The following UST variants were observed in gnomAD, a reference collection of about 807,000 sequenced individuals.
UST encodes the protein uronyl 2-sulfotransferase.
In UST, 21 loss-of-function variants were observed where a neutral mutation model predicts 45.6. That is an observed-to-expected ratio of 0.46 (90% confidence interval 0.33 to 0.66). UST has a LOEUF of 0.66. UST is among the 30% of genes least tolerant of loss of function. The pLI is 0.02. For synonymous variants in UST, 215 were observed against 200.6 expected (o/e 1.07, Z -0.61); for missense variants, 463 against 512.4 (o/e 0.90, Z 0.93).
In UST at chr6:149,068,949, T is replaced by A. The variant is rs183875519; in HGVS notation, c.938-4884T>A. The stretch of plus-strand genomic sequence containing the variant: ...TATGTATCATCCTACTCCCTCCTTG[T>A]GGTCAACTTCTTTAGCTCCCATATA... On this transcript the variant is annotated intron_variant, in intron 7 of 7. Coordinates refer to ENST00000367463, the MANE Select transcript of UST (RefSeq NM_005715.3). Among the ~76,000 whole-genome samples, 574 of 152,302 alleles carry A rather than the reference T, an allele frequency of 3.8e-3. 2 individuals carry two copies. The highest frequency in any genetic ancestry group is 0.013 in the African/African-American group (555 of 41,564).
intron 1 of UST, among the ~76,000 whole-genome samples, chr6:148,872,215 A>G (rs1318222533): frequency 6.6e-6 from 1 of 152,236 alleles, no homozygotes; most frequent in Non-Finnish European, 1.5e-5. Context: ...AAGTAAAGCA[A>G]TACATCAAAA....
chr6:148,904,547 A>G (rs1455476944), intron 2 of UST, among the ~76,000 whole-genome samples: 1 of 151,844 alleles, frequency 6.6e-6, no homozygotes, highest in Admixed American at 6.6e-5. Context: ...CTTTTTTGAG[A>G]CAGTCTCACT....
intron 5 of UST, chr6:149,005,450 C>G (rs371549617): frequency 1.0e-6 from 1 of 985,420 alleles, no homozygotes. Flanking sequence ...GCAACCTCAG[C>G]AGTGTCTCTC....
intron 7 of UST, among the ~76,000 whole-genome samples, chr6:149,070,525 A>G (rs1008289653): frequency 2.6e-5 from 4 of 152,244 alleles, no homozygotes; most frequent in Admixed American, 6.5e-5. Context: ...AAAGGACCCA[A>G]CCTGGCAAAG....
chr6:148,868,347 T>C lies in UST; in HGVS notation c.248-18639T>C, dbSNP rs868333149. Reference sequence around the variant, plus strand: ...TCCCTGAAAACCAGAAAACTTGACGTTTGTTTTAATGCAAAGATGAACTCT... The same window carrying C: ...TCCCTGAAAACCAGAAAACTTGACGCTTGTTTTAATGCAAAGATGAACTCT... On this transcript the variant is annotated intron_variant, in intron 1 of 7. Transcript: ENST00000367463. Among the ~76,000 whole-genome samples the C allele has an allele frequency of 3.9e-5, 6 of 152,182 alleles. 1 individual carries two copies. Among genetic ancestry groups the C allele is most frequent in the Non-Finnish European group, 8.8e-5 (6 of 68,028 alleles).
intron 5 of UST, among the ~76,000 whole-genome samples, chr6:148,966,373 G>T (rs1417450878): frequency 6.6e-6 from 1 of 151,916 alleles, no homozygotes; most frequent in Non-Finnish European, 1.5e-5. Flanking sequence ...ATTTGTTTTG[G>T]ATCTTGATTA....
At chr6:148,928,371 T>C (rs1562302958) in intron 2 of UST, among the ~76,000 whole-genome samples, 1 of 152,278 alleles carries the variant, frequency 6.6e-6, no homozygotes, top group East Asian at 1.9e-4. Context: ...ATTGTTGCTC[T>C]ATAAACTGTC....
intron 1 of UST, among the ~76,000 whole-genome samples, chr6:148,777,072 A>G (rs1352463353): frequency 6.6e-6 from 1 of 152,208 alleles, no homozygotes; most frequent in Admixed American, 6.5e-5. Flanking sequence ...AACAGCAGGA[A>G]TGGCCCTCAC....
At chr6:148,892,438 T>C in intron 2 of UST, among the ~76,000 whole-genome samples, 1 of 152,312 alleles carries the variant, frequency 6.6e-6, no homozygotes, top group South Asian at 2.1e-4. Flanking sequence ...ATGTAATACT[T>C]TGGGTAATAC....
intron 1 of UST, among the ~76,000 whole-genome samples, chr6:148,870,825 A>T (rs1309436076): frequency 6.6e-6 from 1 of 151,992 alleles, no homozygotes; most frequent in Non-Finnish European, 1.5e-5. Flanking sequence ...CTCCCTTCTC[A>T]CATACATCAC....
At chr6:148,894,538 G>C (rs1779082213) in intron 2 of UST, among the ~76,000 whole-genome samples, 1 of 152,130 alleles carries the variant, frequency 6.6e-6, no homozygotes, top group African/African-American at 2.4e-5. Flanking sequence ...GCATGGAGCA[G>C]GTTCCCCCTC....
intron 7 of UST, among the ~76,000 whole-genome samples, chr6:149,025,016 A>G (rs1776030826): frequency 6.6e-6 from 1 of 152,232 alleles, no homozygotes; most frequent in Non-Finnish European, 1.5e-5. Flanking sequence ...AAAAATATGT[A>G]TACCAGTCTC....
intron 2 of UST, among the ~76,000 whole-genome samples, chr6:148,928,305 A>G (rs1779856873): frequency 6.6e-6 from 1 of 152,226 alleles, no homozygotes; most frequent in Non-Finnish European, 1.5e-5. Flanking sequence ...CTTCTTGACC[A>G]TTATAGGGGA....
intron 1 of UST, among the ~76,000 whole-genome samples, chr6:148,840,463 G>A (rs1423848298): frequency 2.6e-5 from 4 of 152,084 alleles, no homozygotes; most frequent in Non-Finnish European, 5.9e-5. Flanking sequence ...TTAGCTATTC[G>A]TCATATCCTA....
chr6:148,783,435 G>C (rs190610931), intron 1 of UST, among the ~76,000 whole-genome samples: 7 of 152,270 alleles, frequency 4.6e-5, no homozygotes, highest in Admixed American at 4.6e-4. Context: ...GACTAACAGA[G>C]CTCAAGTTTT....
chr6:149,066,586 C>G (rs151090804), intron 7 of UST, among the ~76,000 whole-genome samples: 1 of 152,198 alleles, frequency 6.6e-6, no homozygotes, highest in East Asian at 1.9e-4. Context: ...CCAGCTGATA[C>G]TGACCCTCAT....
rs1289260159 is a variant in UST, at chr6:148,789,449, TCTCTCA to T, written c.247+41774_247+41779del. Among the ~76,000 whole-genome samples, 12 of 129,100 alleles carry T rather than the reference TCTCTCA, an allele frequency of 9.3e-5. 1 individual carries two copies. Among genetic ancestry groups the T allele is most frequent in the East Asian group, 5.1e-4 (2 of 3,902 alleles). The allele number at this position is 129,100 out of a possible 152,430, so 84.7% of individuals were successfully genotyped here. Reference sequence around the variant, plus strand: ...AGATCTCTCTCTCTCTCTCTCTCTCTCTCTCACACACACACACACACACACACACAC... The same window carrying T: ...AGATCTCTCTCTCTCTCTCTCTCTCTCACACACACACACACACACACACAC... On this transcript the variant is annotated intron_variant, in intron 1 of 7. Coordinates refer to ENST00000367463, the MANE Select transcript of UST (RefSeq NM_005715.3).
chr6:148,998,378 T>C (rs1364907005), intron 5 of UST, among the ~76,000 whole-genome samples: 1 of 152,236 alleles, frequency 6.6e-6, no homozygotes, highest in East Asian at 1.9e-4. Context: ...TTGAGGTGAA[T>C]GATTCTTTTG....
At chr6:148,968,290 T>G (rs759788549) in intron 5 of UST, among the ~76,000 whole-genome samples, 1 of 152,272 alleles carries the variant, frequency 6.6e-6, no homozygotes, top group Non-Finnish European at 1.5e-5. Flanking sequence ...TGGGAACAAC[T>G]AGCTTTTCTC....
Sources: allele counts gnomAD v4.1 joint callset (sites outside exome capture counted in the v4.1 genomes callset), GRCh38; gene constraint gnomAD v4.1.1; transcripts MANE v1.5; gene names NCBI Gene and HGNC (gene_info 2026-07-23, HGNC 2026-07-21).